Variants in MAPK10 observed in about 807,000 individuals in gnomAD.
The protein encoded by MAPK10 is mitogen-activated protein kinase 10.
MAPK10 carries 25 observed loss-of-function variants against 59.3 expected under a neutral mutation model. The ratio of observed to expected loss-of-function variants is 0.42; its 90% confidence interval spans 0.31 to 0.59. The LOEUF is 0.59. Among genes scored for constraint, MAPK10 ranks in the 20% least tolerant of loss-of-function variants. The pLI is 0.15. For missense variants in MAPK10, 351 were observed against 568.9 expected (o/e 0.62, Z 3.90); for synonymous variants, 190 against 200.5 (o/e 0.95, Z 0.44).
intron 4 of MAPK10, among the ~76,000 whole-genome samples, chr4:86,116,517 G>T (rs1187090614): frequency 6.6e-6 from 1 of 152,190 alleles, no homozygotes; most frequent in Non-Finnish European, 1.5e-5. Flanking sequence ...GTGTAAGTTT[G>T]AGTCCCTGAG....
At chr4:86,544,210 T>G (rs892388534) in intron 1 of MAPK10, among the ~76,000 whole-genome samples, 3 of 152,206 alleles carry the variant, frequency 2.0e-5, no homozygotes, top group Non-Finnish European at 2.9e-5. Flanking sequence ...GTCTTTCTGG[T>G]GCTTACTAGT....
At chr4:86,405,567 T>A (rs1744259191) in intron 1 of MAPK10, among the ~76,000 whole-genome samples, 1 of 152,180 alleles carries the variant, frequency 6.6e-6, no homozygotes, top group South Asian at 2.1e-4. Flanking sequence ...TCTCAAATAT[T>A]CAACATACTA....
intron 4 of MAPK10, among the ~76,000 whole-genome samples, chr4:86,155,848 T>C (rs1410863542): frequency 6.6e-6 from 1 of 152,010 alleles, no homozygotes; most frequent in Non-Finnish European, 1.5e-5. Flanking sequence ...TTTGGAGCCG[T>C]TATTAATTAA....
intron 2 of MAPK10, among the ~76,000 whole-genome samples, chr4:86,289,661 G>T (rs1660220222): frequency 6.7e-6 from 1 of 149,722 alleles, no homozygotes; most frequent in Non-Finnish European, 1.5e-5. Context: ...ATGTTATAAT[G>T]CATTTTATAA....
intron 11 of MAPK10, among the ~76,000 whole-genome samples, chr4:86,033,388 T>G (rs2039518228): frequency 6.6e-6 from 1 of 152,342 alleles, no homozygotes; most frequent in African/African-American, 2.4e-5. Flanking sequence ...TGTTGGCACC[T>G]CCTTCTTCTT....
intron 10 of MAPK10, 149 bp downstream of exon 10, chr4:86,067,624 C>A: frequency 3.3e-6 from 2 of 605,600 alleles, no homozygotes; most frequent in East Asian, 2.8e-5. Flanking sequence ...TTCAAAAATA[C>A]CACCCTATAT....
chr4:86,189,728 A>T (rs1389855292), intron 3 of MAPK10, among the ~76,000 whole-genome samples: 1 of 152,120 alleles, frequency 6.6e-6, no homozygotes, highest in African/African-American at 2.4e-5. Context: ...TTCTTATTTG[A>T]ATACGCTTTA....
At chr4:86,319,189 T>G (rs1027854943) in intron 2 of MAPK10, among the ~76,000 whole-genome samples, 1 of 152,050 alleles carries the variant, frequency 6.6e-6, no homozygotes, top group Non-Finnish European at 1.5e-5. Context: ...AAGGTGGACC[T>G]GGGAGGTGAG....
At chr4:86,097,223 C>T (rs2054400578) in intron 9 of MAPK10, among the ~76,000 whole-genome samples, 1 of 151,780 alleles carries the variant, frequency 6.6e-6, no homozygotes. Flanking sequence ...GCTGAATAAC[C>T]ACATGTGGCT....
At chr4:86,409,367 T>G (rs913583326) in intron 1 of MAPK10, among the ~76,000 whole-genome samples, 4 of 152,324 alleles carry the variant, frequency 2.6e-5, no homozygotes, top group Admixed American at 2.6e-4. Context: ...TGCTTAGGAT[T>G]GTCTTGGCTA....
intron 1 of MAPK10, among the ~76,000 whole-genome samples, chr4:86,404,935 A>T (rs192085760): frequency 6.6e-6 from 1 of 152,252 alleles, no homozygotes; most frequent in Non-Finnish European, 1.5e-5. Flanking sequence ...ACCTTGAATA[A>T]GGAAATGAAA....
intron 1 of MAPK10, among the ~76,000 whole-genome samples, chr4:86,409,303 C>A (rs1744815546): frequency 6.6e-6 from 1 of 152,104 alleles, no homozygotes; most frequent in Non-Finnish European, 1.5e-5. Context: ...GTTACTGTAA[C>A]CCTGAATTAT....
At chr4:86,181,696 G>A (rs547073236) in intron 3 of MAPK10, among the ~76,000 whole-genome samples, 25 of 151,980 alleles carry the variant, frequency 1.6e-4, no homozygotes, top group African/African-American at 5.5e-4. Context: ...TAAACTTCTG[G>A]GCCTGGGAGT....
chr4:86,225,631 C>G (rs1380106414), intron 2 of MAPK10, among the ~76,000 whole-genome samples: 1 of 152,080 alleles, frequency 6.6e-6, no homozygotes, highest in African/African-American at 2.4e-5. Flanking sequence ...TCTTTGGGAC[C>G]CGCCCCCCAA....
intron 1 of MAPK10, among the ~76,000 whole-genome samples, chr4:86,401,650 T>C (rs889131790): frequency 7.9e-5 from 12 of 152,212 alleles, no homozygotes; most frequent in Admixed American, 5.9e-4. Flanking sequence ...GACAATTCTA[T>C]AATCTCTATG....
At chr4:86,226,911 G>A (rs189220693) in intron 2 of MAPK10, among the ~76,000 whole-genome samples, 10 of 152,268 alleles carry the variant, frequency 6.6e-5, no homozygotes, top group African/African-American at 2.2e-4. Context: ...TGTGAGACAT[G>A]TATACTCCTA....
chr4:86,367,162 A>C (rs958003372), intron 1 of MAPK10, among the ~76,000 whole-genome samples: 1 of 152,180 alleles, frequency 6.6e-6, no homozygotes, highest in Non-Finnish European at 1.5e-5. Flanking sequence ...GTCATGAATT[A>C]GGATGGTAGC....
At chr4:86,454,622 T>C (rs1751074581), upstream of MAPK10, among the ~76,000 whole-genome samples, 1 of 151,892 alleles carries the variant, frequency 6.6e-6, no homozygotes, top group Admixed American at 6.6e-5. Flanking sequence ...CTCCAAGAAG[T>C]CTGGAAGTAT....
At chr4:86,507,793 T>C (rs1755914932) in intron 1 of MAPK10, among the ~76,000 whole-genome samples, 1 of 150,308 alleles carries the variant, frequency 6.7e-6, no homozygotes, top group Non-Finnish European at 1.5e-5. Context: ...TTAAAAATCC[T>C]AAAAGACAGA....
Sources: allele counts gnomAD v4.1 joint callset (sites outside exome capture counted in the v4.1 genomes callset), GRCh38; gene constraint gnomAD v4.1.1; transcripts MANE v1.5; gene names NCBI Gene and HGNC (gene_info 2026-07-23, HGNC 2026-07-21).